TENM2: variants seen among roughly 807,000 people sequenced by gnomAD.
The protein encoded by TENM2 is teneurin transmembrane protein 2, also known as teneurin-2.
In TENM2, 52 loss-of-function variants were observed where a neutral mutation model predicts 245.2. That is an observed-to-expected ratio of 0.21 (90% CI 0.17 to 0.27). The LOEUF (loss-of-function observed/expected upper bound fraction) is 0.27, where lower values mean the gene tolerates loss of function less well. TENM2 is among the 10% of genes least tolerant of loss of function. TENM2 has a pLI of 1.00. For missense variants in TENM2, 3,046 were observed against 3,666.8 expected, an observed-to-expected ratio of 0.83 and a Z score of 4.37; for synonymous variants, 1,363 against 1,438.9, an observed-to-expected ratio of 0.95 and a Z score of 1.19.
intron 2 of TENM2, among the ~76,000 whole-genome samples, chr5:167,666,230 T>A (rs1755566660): frequency 6.6e-6 from 1 of 152,150 alleles, no homozygotes; most frequent in African/African-American, 2.4e-5. Context: ...TGTGCTTAAA[T>A]CTGCAGGTTG....
intron 2 of TENM2, among the ~76,000 whole-genome samples, chr5:167,825,049 G>A (rs17512123): frequency 0.065 from 9,889 of 152,142 alleles, 380 homozygotes; most frequent in Middle Eastern, 0.11. Context: ...ATTTTCAAGC[G>A]TCCCCACTTG....
chr5:167,858,280 G>T (rs1771277456), intron 2 of TENM2, among the ~76,000 whole-genome samples: 1 of 152,250 alleles, frequency 6.6e-6, no homozygotes, highest in African/African-American at 2.4e-5. Context: ...AGACGAGGAA[G>T]TCTGCAAGTC....
At chr5:168,191,617 C>A (rs1296392600) in intron 14 of TENM2, among the ~76,000 whole-genome samples, 1 of 151,298 alleles carries the variant, frequency 6.6e-6, no homozygotes, top group Admixed American at 6.6e-5. Context: ...CCCTGACGAC[C>A]CCCATTGTGC....
chr5:167,329,437 A>G (rs79504423), intron 1 of TENM2, among the ~76,000 whole-genome samples: 10,741 of 149,876 alleles, frequency 0.072, 611 homozygotes, highest in Admixed American at 0.2. Flanking sequence ...CTGTTGTTCC[A>G]GCTACCCGGG....
rs142626371 is a variant in TENM2, at chr5:167,626,987, C to T, written c.503-248999C>T. On this transcript the variant is annotated intron_variant, in intron 2 of 28. Transcript: ENST00000518659. ...AGTTGTCCTCCCTTTTACCCAGAGG[C>T]TTTCCATGCAACCAAGGGAGCATAA... Among the ~76,000 whole-genome samples, 318 of 152,260 alleles carry T rather than the reference C, an allele frequency of 2.1e-3. 1 individual carries two copies. Among genetic ancestry groups the T allele is most frequent in the Non-Finnish European group, 3.9e-3 (265 of 68,024 alleles).
chr5:167,859,623 G>A (rs1402226464), intron 2 of TENM2, among the ~76,000 whole-genome samples: 12 of 103,678 alleles, frequency 1.2e-4, no homozygotes, highest in South Asian at 3.6e-4. Flanking sequence ...TCAGCCCTCC[G>A]CCCGGCCAGC....
chr5:167,101,097 T>C, the TENM2 span, among the ~76,000 whole-genome samples: 1 of 152,226 alleles, frequency 6.6e-6, no homozygotes, highest in Non-Finnish European at 1.5e-5. Context: ...ATGTTCTCTC[T>C]CATTGGTTGA....
At chr5:167,665,112 A>G (rs1179615184) in intron 2 of TENM2, among the ~76,000 whole-genome samples, 4 of 152,172 alleles carry the variant, frequency 2.6e-5, no homozygotes, top group Non-Finnish European at 4.4e-5. Flanking sequence ...CTTTATCCCT[A>G]TGTCCTAACT....
chr5:168,023,059 A>G (rs2546945), intron 5 of TENM2, among the ~76,000 whole-genome samples: 12,002 of 152,220 alleles, frequency 0.079, 1,127 homozygotes, highest in African/African-American at 0.22. Flanking sequence ...GGATTAGCCC[A>G]ACAGCTTTTG....
At chr5:168,069,283 G>A (rs1260419327) in intron 7 of TENM2, among the ~76,000 whole-genome samples, 3 of 152,110 alleles carry the variant, frequency 2.0e-5, no homozygotes, top group Non-Finnish European at 4.4e-5. Flanking sequence ...CCTGATAAAC[G>A]ACAGTTACAG....
chr5:167,106,778 A>C, the TENM2 span, among the ~76,000 whole-genome samples: 4 of 130,812 alleles, frequency 3.1e-5, no homozygotes, highest in Non-Finnish European at 6.4e-5. Flanking sequence ...GGCAGTGAAG[A>C]GGGTGGGGGA....
intron 2 of TENM2, among the ~76,000 whole-genome samples, chr5:167,414,276 A>T (rs1393166712): frequency 6.6e-6 from 1 of 152,178 alleles, no homozygotes; most frequent in African/African-American, 2.4e-5. Flanking sequence ...GCATGAAATG[A>T]TCTTGTAAAA....
intron 9 of TENM2, among the ~76,000 whole-genome samples, chr5:168,112,266 G>A (rs939764332): frequency 4.6e-5 from 7 of 152,110 alleles, no homozygotes; most frequent in South Asian, 2.1e-4. Context: ...GTGTGGGTTC[G>A]TTACATAGGT....
chr5:168,017,194 G>A (rs1005007107), intron 5 of TENM2, among the ~76,000 whole-genome samples: 1 of 152,194 alleles, frequency 6.6e-6, no homozygotes, highest in Non-Finnish European at 1.5e-5. Flanking sequence ...AGAAGCAGGG[G>A]ACAGGGGTAG....
intron 2 of TENM2, among the ~76,000 whole-genome samples, chr5:167,481,311 C>T (rs566029161): frequency 3.0e-4 from 45 of 152,214 alleles, no homozygotes; most frequent in Admixed American, 4.6e-4. Flanking sequence ...AATAGATTTA[C>T]CTCTTTTTTA....
At chr5:167,185,897 G>A in the TENM2 span, among the ~76,000 whole-genome samples, 525 of 152,166 alleles carry the variant, frequency 3.5e-3, 5 homozygotes, top group African/African-American at 0.012. Context: ...CCTAAGGTTT[G>A]TACACACGAA....
At chr5:167,778,061 A>C (rs1028467181) in intron 2 of TENM2, among the ~76,000 whole-genome samples, 1 of 152,170 alleles carries the variant, frequency 6.6e-6, no homozygotes, top group Non-Finnish European at 1.5e-5. Flanking sequence ...ATGGACTGCA[A>C]AGGGTAAAAT....
intron 2 of TENM2, among the ~76,000 whole-genome samples, chr5:167,612,440 T>A (rs186526092): frequency 8.6e-4 from 130 of 151,936 alleles, no homozygotes; most frequent in South Asian, 5.0e-3. Context: ...ATGATTTTTT[T>A]AAAAAAAAGG....
intron 2 of TENM2, among the ~76,000 whole-genome samples, chr5:167,733,596 G>A (rs1332786772): frequency 1.3e-5 from 2 of 152,184 alleles, no homozygotes; most frequent in African/African-American, 2.4e-5. Context: ...TTGCGCCAGA[G>A]TACCTATCCC....
Sources: allele counts gnomAD v4.1 joint callset (sites outside exome capture counted in the v4.1 genomes callset), GRCh38; gene constraint gnomAD v4.1.1; transcripts MANE v1.5; gene names NCBI Gene and HGNC (gene_info 2026-07-23, HGNC 2026-07-21).